Variants in CCDC6 observed in about 807,000 individuals in gnomAD.
CCDC6 encodes coiled-coil domain-containing protein 6.
A neutral mutation model predicts 56.6 loss-of-function variants in CCDC6; 20 were observed. The observed-to-expected ratio is 0.35, with a 90% CI of 0.25 to 0.51. The LOEUF (loss-of-function observed/expected upper bound fraction) is 0.51, where lower values mean the gene tolerates loss of function less well. Ranked by LOEUF, CCDC6 falls within the 20% of genes least tolerant of loss-of-function variation. The probability of loss-of-function intolerance (pLI) is 0.95; values close to 1 mark genes in which losing one functional copy is unlikely to be tolerated. For synonymous variants in CCDC6, 241 were observed against 234.4 expected (o/e 1.03, Z -0.26); for missense variants, 367 against 601.1 (o/e 0.61, Z 4.07).
chr10:59,857,036 T>C (rs2071085970), intron 1 of CCDC6, among the ~76,000 whole-genome samples: 1 of 152,208 alleles, frequency 6.6e-6, no homozygotes, highest in Non-Finnish European at 1.5e-5. Context: ...TTTGGTATAA[T>C]CATAATCAAT....
chr10:59,820,429 C>T (rs1262652441), intron 3 of CCDC6, among the ~76,000 whole-genome samples: 5 of 152,050 alleles, frequency 3.3e-5, no homozygotes, highest in Non-Finnish European at 5.9e-5. Flanking sequence ...ATTTATAACA[C>T]AAATTTTGGA....
Position 59,790,452 on chromosome 10 carries a change from T to C in CCDC6, c.*2465A>G, listed in dbSNP as rs1258787049. On this transcript the variant is annotated 3_prime_UTR_variant, in exon 9 of 9. Transcript: ENST00000263102. ...ATAGGTGAGGGGGCTGTTGCCATTA[T>C]GGGCTCAGAATCTAAATCTTACTGA... 4.6e-6 allele frequency: 1 copy of C among 218,598 alleles called. No individual in the cohort carries two copies. The highest frequency in any genetic ancestry group is 2.3e-5 in the African/African-American group (1 of 44,432). 13.5% of individuals were successfully genotyped at this position (218,598 alleles called of 1,614,324 possible).
chr10:59,821,937 C>T (rs894548156), intron 3 of CCDC6, among the ~76,000 whole-genome samples: 1 of 151,958 alleles, frequency 6.6e-6, no homozygotes, highest in Non-Finnish European at 1.5e-5. Flanking sequence ...AGAAAAAAAC[C>T]CAGATATCTA....
At chr10:59,843,402 T>C (rs2070959805) in intron 2 of CCDC6, among the ~76,000 whole-genome samples, 1 of 152,238 alleles carries the variant, frequency 6.6e-6, no homozygotes, top group Admixed American at 6.5e-5. Context: ...TGCCCTATAG[T>C]TATTCATTAG....
Position 59,906,535 on chromosome 10 carries a change from C to T in CCDC6, c.-111G>A. 2 of 947,232 alleles carry T rather than the reference C, an allele frequency of 2.1e-6. No individual in the cohort carries two copies. Among genetic ancestry groups the T allele is most frequent in the Non-Finnish European group, 2.9e-6 (2 of 681,134 alleles). The allele number at this position is 947,232 out of a possible 1,614,324, so 58.7% of individuals were successfully genotyped here. On this transcript the variant is annotated 5_prime_UTR_variant, in exon 1 of 9. Transcript: ENST00000263102. Reference sequence around the variant, plus strand: ...GAGCACAGGGGAGCGCCGAGCTGAGCGCCTGGCACCAGGGCGCAGACTCGG... The same window carrying T: ...GAGCACAGGGGAGCGCCGAGCTGAGTGCCTGGCACCAGGGCGCAGACTCGG...
chr10:59,897,357 G>A (rs941933903), intron 1 of CCDC6, among the ~76,000 whole-genome samples: 4 of 151,884 alleles, frequency 2.6e-5, no homozygotes, highest in Non-Finnish European at 5.9e-5. Context: ...GGGTTCAAGC[G>A]ATTCTCCTGC....
At chr10:59,901,029 G>A (rs1160373701) in intron 1 of CCDC6, among the ~76,000 whole-genome samples, 2 of 152,134 alleles carry the variant, frequency 1.3e-5, no homozygotes, top group Admixed American at 1.3e-4. Flanking sequence ...CTGCACTCCA[G>A]TCTGGGTAAT....
intron 7 of CCDC6, among the ~76,000 whole-genome samples, chr10:59,799,872 A>G (rs1323193222): frequency 6.6e-6 from 1 of 152,106 alleles, no homozygotes; most frequent in African/African-American, 2.4e-5. Flanking sequence ...TACTGTAGCT[A>G]CCTTGCAAGG....
In CCDC6 at chr10:59,812,670, C is replaced by T. The variant is rs780829046; in HGVS notation, c.812G>A (p.Arg271Gln). ...HIRFLKNEVE[R>Q]LKKQLRAAQL... ...AGCAGCTCTCAGTTGCTTCTTCAGC[C>T]GTTCCACTTCATTCTTTAAAAACCT... Residue 271 changes from arginine to glutamine, a missense_variant, in exon 5 of 9, where the codon CGG becomes CAG. By Grantham distance (43) the Arg-to-Gln change is conservative. This residue lies in a region of CCDC6 where 81 missense variants were observed against 150.8 expected (regional missense o/e 0.54). Coordinates refer to ENST00000263102, the MANE Select transcript of CCDC6 (RefSeq NM_005436.5). The T allele has an allele frequency of 5.6e-6, 9 of 1,613,334 alleles. No individual in the cohort carries two copies. The highest frequency in any genetic ancestry group is 1.1e-5 in the South Asian group (1 of 90,960).
At chr10:59,817,233 T>C (rs2070716556) in intron 3 of CCDC6, among the ~76,000 whole-genome samples, 2 of 152,212 alleles carry the variant, frequency 1.3e-5, no homozygotes, top group South Asian at 2.1e-4. Context: ...CAGGCTGGAG[T>C]GCAGTGGCAC....
intron 5 of CCDC6, among the ~76,000 whole-genome samples, chr10:59,807,391 A>G (rs1207574942): frequency 6.6e-6 from 1 of 152,150 alleles, no homozygotes; most frequent in African/African-American, 2.4e-5. Context: ...AGGCTGAGGC[A>G]GGAGAACTGC....
intron 1 of CCDC6, 57 bp from the exon 2 acceptor site, chr10:59,852,759 A>T: frequency 7.5e-7 from 1 of 1,324,744 alleles, no homozygotes; most frequent in Non-Finnish European, 1.0e-6. Flanking sequence ...GGAAACAGGA[A>T]ATTTACTAAT....
At chr10:59,828,590 G>A (rs757362481) in intron 3 of CCDC6, among the ~76,000 whole-genome samples, 56 of 152,112 alleles carry the variant, frequency 3.7e-4, no homozygotes, top group Non-Finnish European at 6.8e-4. Flanking sequence ...CCACTAAGAT[G>A]AGAACCAGGG....
Position 59,906,471 on chromosome 10 carries a change from G to T in CCDC6, c.-47C>A, listed in dbSNP as rs934748887. 1.4e-6 allele frequency: 2 copies of T among 1,422,986 alleles called. No individual in the cohort carries two copies. The highest frequency in any genetic ancestry group is 2.6e-4 in the Middle Eastern group (1 of 3,848). 88.1% of individuals were successfully genotyped at this position (1,422,986 alleles called of 1,614,324 possible). ...GGAGGAGGAGCAGCAGGGAGGCGGC[G>T]GCGACGAAGGCCGGGCTGCGAATGA... On this transcript the variant is annotated 5_prime_UTR_variant, in exon 1 of 9. Coordinates refer to ENST00000263102, the MANE Select transcript of CCDC6 (RefSeq NM_005436.5).
At chr10:59,866,295 C>T (rs376878143) in intron 1 of CCDC6, among the ~76,000 whole-genome samples, 7 of 152,208 alleles carry the variant, frequency 4.6e-5, no homozygotes, top group African/African-American at 1.4e-4. Context: ...ACATAAATAG[C>T]CTCAAGAATA....
intron 3 of CCDC6, 142 bp downstream of exon 3, chr10:59,832,383 C>G (rs2132643710): frequency 1.5e-6 from 1 of 654,734 alleles, no homozygotes; most frequent in East Asian, 2.8e-5. Flanking sequence ...TGTCAATGCT[C>G]ACTTTAGAAA....
At chr10:59,793,866 G>T (rs1309778539) in intron 8 of CCDC6, among the ~76,000 whole-genome samples, 35 of 151,980 alleles carry the variant, frequency 2.3e-4, no homozygotes, top group Admixed American at 2.3e-3. Context: ...TTAGAATAGG[G>T]TTCTTCTTTA....
At chr10:59,828,583 C>G (rs563806497) in intron 3 of CCDC6, among the ~76,000 whole-genome samples, 11 of 152,294 alleles carry the variant, frequency 7.2e-5, no homozygotes, top group African/African-American at 2.2e-4. Context: ...TAAAAGACCA[C>G]TAAGATGAGA....
In CCDC6 at chr10:59,862,984, C is replaced by T. The variant is rs200790347; in HGVS notation, c.304-10282G>A. Among the ~76,000 whole-genome samples, 10 of 151,994 alleles carry T rather than the reference C, an allele frequency of 6.6e-5. No individual in the cohort carries two copies. In the East Asian group the frequency reaches 1.9e-3, roughly 29 times the overall value. On this transcript the variant is annotated intron_variant, in intron 1 of 8. Transcript: ENST00000263102. ...AAAATACTGGAAACACCCCGAATAC[C>T]TACTCAGAAGAAAAACAGTATATTC...
Sources: allele counts gnomAD v4.1 joint callset (sites outside exome capture counted in the v4.1 genomes callset), GRCh38; gene constraint gnomAD v4.1.1; regional missense constraint gnomAD v4.1.1; transcripts MANE v1.5; gene names NCBI Gene and HGNC (gene_info 2026-07-23, HGNC 2026-07-21).